The following SLC4A5 variants were observed in gnomAD, a reference collection of about 807,000 sequenced individuals.
The protein encoded by SLC4A5 is electrogenic sodium bicarbonate cotransporter 4.
SLC4A5 carries 96 observed loss-of-function variants against 120.4 expected under a neutral mutation model. The observed-to-expected ratio is 0.80, with a 90% CI of 0.68 to 0.94. SLC4A5 has a LOEUF of 0.94. Ranked by LOEUF, SLC4A5 falls within the 40% of genes least tolerant of loss-of-function variation. The probability of loss-of-function intolerance (pLI) is 0.00; values close to 1 mark genes in which losing one functional copy is unlikely to be tolerated. For synonymous variants in SLC4A5, 550 were observed against 571.1 expected (o/e 0.96, Z 0.53); for missense variants, 1,259 against 1,459.5 (o/e 0.86, Z 2.24).
chr2:74,252,512 C>T (rs1019099649), intron 15 of SLC4A5, 124 bp from the exon 16 acceptor site: 25 of 1,091,498 alleles, frequency 2.3e-5, no homozygotes, highest in Middle Eastern at 2.9e-4. Flanking sequence ...AATATCCACA[C>T]GCAGGTCACC....
chr2:74,277,317 A>T (rs1217634920), intron 8 of SLC4A5, among the ~76,000 whole-genome samples: 1 of 152,176 alleles, frequency 6.6e-6, no homozygotes, highest in East Asian at 1.9e-4. Flanking sequence ...TGGGAGGCTG[A>T]GGCGGGTGGA....
chr2:74,293,308 G>T (rs1159277922), intron 7 of SLC4A5, among the ~76,000 whole-genome samples: 4 of 152,172 alleles, frequency 2.6e-5, no homozygotes, highest in African/African-American at 7.2e-5. Flanking sequence ...GTGTTCACGG[G>T]AATCCTTCCT....
At chr2:74,294,833 G>A (rs545738632) in intron 7 of SLC4A5, among the ~76,000 whole-genome samples, 15 of 152,112 alleles carry the variant, frequency 9.9e-5, no homozygotes, top group Non-Finnish European at 1.9e-4. Flanking sequence ...CACCACGCCC[G>A]GCTAATTTTT....
At chr2:74,262,158 T>A (rs774613854) in exon 11 of SLC4A5, 1 of 1,613,814 alleles carries the variant, frequency 6.2e-7, no homozygotes. Flanking sequence ...TAATTTGCAC[T>A]CTGCCGCATC....
At chr2:74,224,779 C>T (rs1467805716) in intron 28 of SLC4A5, 61 bp downstream of exon 28, 1 of 1,568,982 alleles carries the variant, frequency 6.4e-7, no homozygotes, top group Admixed American at 1.9e-5. Flanking sequence ...CTGTCCCTGG[C>T]AAAAGTGGAG....
intron 8 of SLC4A5, among the ~76,000 whole-genome samples, chr2:74,277,324 T>G (rs1035720142): frequency 6.6e-6 from 1 of 151,212 alleles, no homozygotes; most frequent in African/African-American, 2.4e-5. Context: ...CTGAGGCGGG[T>G]GGATCACCTG....
At chr2:74,254,595 T>C (rs1419542981) in intron 14 of SLC4A5, 24 bp downstream of exon 14, 8 of 1,593,432 alleles carry the variant, frequency 5.0e-6, no homozygotes, top group Non-Finnish European at 6.9e-6. Flanking sequence ...AATTCAGGAG[T>C]ACAAGCTTCT....
At chr2:74,310,926 G>T (rs947536763) in intron 6 of SLC4A5, among the ~76,000 whole-genome samples, 1 of 151,172 alleles carries the variant, frequency 6.6e-6, no homozygotes, top group Non-Finnish European at 1.5e-5. Context: ...AATCATGAAG[G>T]CCTGTTGCTC....
chr2:74,276,834 A>G (rs961211902), intron 8 of SLC4A5, among the ~76,000 whole-genome samples: 1 of 151,982 alleles, frequency 6.6e-6, no homozygotes, highest in Admixed American at 6.6e-5. Flanking sequence ...CTCCATGAAG[A>G]ATTTGGAATC....
intron 6 of SLC4A5, among the ~76,000 whole-genome samples, chr2:74,311,370 T>C (rs1672800682): frequency 1.3e-5 from 2 of 152,182 alleles, no homozygotes; most frequent in Non-Finnish European, 2.9e-5. Context: ...CCTTCTCTTG[T>C]TTCCTAATAT....
exon 31 of SLC4A5, chr2:74,218,662 A>T (rs903932214): frequency 1.3e-5 from 2 of 152,628 alleles, no homozygotes; most frequent in East Asian, 1.9e-4. Context: ...TCTCTTCGGT[A>T]TTTATCCATG....
chr2:74,331,724 T>G (rs1673371350), intron 4 of SLC4A5, among the ~76,000 whole-genome samples: 1 of 152,076 alleles, frequency 6.6e-6, no homozygotes, highest in Non-Finnish European at 1.5e-5. Context: ...CACTTTTGCC[T>G]CACCTTATAA....
intron 28 of SLC4A5, among the ~76,000 whole-genome samples, chr2:74,223,911 G>C (rs545623126): frequency 6.6e-6 from 1 of 152,316 alleles, no homozygotes; most frequent in South Asian, 2.1e-4. Flanking sequence ...GGTTTCATCT[G>C]CACAAGGCAA....
intron 7 of SLC4A5, among the ~76,000 whole-genome samples, chr2:74,286,119 G>T (rs1197087146): frequency 6.6e-6 from 1 of 152,248 alleles, no homozygotes; most frequent in Non-Finnish European, 1.5e-5. Context: ...GATTTAGTCT[G>T]CATTCAGATC....
intron 16 of SLC4A5, among the ~76,000 whole-genome samples, chr2:74,251,007 G>A (rs906092548): frequency 1.3e-5 from 2 of 152,194 alleles, no homozygotes; most frequent in African/African-American, 4.8e-5. Context: ...CAGCTGAGTG[G>A]AAGATTTTAG....
In SLC4A5 at chr2:74,315,017, C is replaced by T; in HGVS notation, c.7G>A (p.Val3Met). The T allele has an allele frequency of 1.2e-6, 2 of 1,613,492 alleles. No individual in the cohort carries two copies. Among genetic ancestry groups the T allele is most frequent in the Non-Finnish European group, 8.5e-7 (1 of 1,179,490 alleles). The change falls in exon 6 of 31, where the codon GTG (valine) becomes ATG (methionine). Residue 3 changes from valine to methionine, a missense_variant. Val to Met is a conservative substitution (Grantham distance 21). Transcript: ENST00000394019. ...CCTACCCCAGCCTTCTCCTCCTTCACCTTCATGACTATAAAGTAAAAGGAA... is the reference window on the plus strand; with the variant it reads ...CCTACCCCAGCCTTCTCCTCCTTCATCTTCATGACTATAAAGTAAAAGGAA...
chr2:74,304,792 T>C, intron 6 of SLC4A5, 112 bp from the exon 7 acceptor site: 1 of 1,069,456 alleles, frequency 9.4e-7, no homozygotes. Flanking sequence ...ATGGAAGACA[T>C]GGAGTGCCAG....
intron 7 of SLC4A5, among the ~76,000 whole-genome samples, chr2:74,288,586 G>A (rs920926663): frequency 6.6e-6 from 1 of 152,034 alleles, no homozygotes; most frequent in Non-Finnish European, 1.5e-5. Context: ...CTCTTGCCTG[G>A]CTAACACTTA....
At chr2:74,299,609 T>G (rs933002255) in intron 7 of SLC4A5, among the ~76,000 whole-genome samples, 6 of 152,162 alleles carry the variant, frequency 3.9e-5, no homozygotes, top group African/African-American at 1.4e-4. Context: ...AATAGGTATA[T>G]GAAAAAGTGC....
Sources: gnomAD v4.1 joint callset for allele counts (sites outside exome capture counted in the v4.1 genomes callset) on GRCh38, gnomAD v4.1.1 for gene constraint, MANE v1.5 for transcripts, NCBI Gene and HGNC (gene_info 2026-07-23, HGNC 2026-07-21) for gene names.